NCOA1: variants seen among roughly 807,000 people sequenced by gnomAD.
NCOA1 encodes Hin-2 protein.
Under a neutral mutation model 150.9 loss-of-function variants are expected in NCOA1, and 35 were observed. The observed-to-expected ratio is 0.23, with a 90% CI of 0.18 to 0.31. The LOEUF (loss-of-function observed/expected upper bound fraction) is 0.31. Ranked by LOEUF, NCOA1 falls within the 10% of genes least tolerant of loss-of-function variation. The pLI is 1.00. For missense variants in NCOA1, 1,491 were observed against 1,749.3 expected (o/e 0.85, Z 2.63); for synonymous variants, 590 against 630.0 (o/e 0.94, Z 0.95).
At chr2:24,592,069 G>A (rs1326949126) in intron 3 of NCOA1, among the ~76,000 whole-genome samples, 2 of 152,080 alleles carry the variant, frequency 1.3e-5, no homozygotes, top group Admixed American at 6.6e-5. Flanking sequence ...TACAGTGCCT[G>A]AAACATGATA....
At chr2:24,556,620 T>C (rs1156677644) in intron 1 of NCOA1, among the ~76,000 whole-genome samples, 1 of 152,118 alleles carries the variant, frequency 6.6e-6, no homozygotes, top group Non-Finnish European at 1.5e-5. Context: ...AACAAACGTA[T>C]GGAAAAAAGC....
intron 3 of NCOA1, among the ~76,000 whole-genome samples, chr2:24,589,768 C>G (rs1451610754): frequency 3.3e-5 from 5 of 152,092 alleles, no homozygotes; most frequent in East Asian, 3.9e-4. Context: ...GCTGACTGTT[C>G]TAGCTCCCAG....
intron 1 of NCOA1, among the ~76,000 whole-genome samples, chr2:24,516,299 T>C (rs1186742296): frequency 6.8e-6 from 1 of 147,922 alleles, no homozygotes; most frequent in Non-Finnish European, 1.5e-5. Context: ...TTCACACCAT[T>C]CTCCTGCCTC....
intron 20 of NCOA1, among the ~76,000 whole-genome samples, chr2:24,754,713 G>A (rs1311357175): frequency 1.3e-5 from 2 of 152,212 alleles, no homozygotes; most frequent in Non-Finnish European, 2.9e-5. Flanking sequence ...CTATTTATTT[G>A]TGATTTTTCT....
chr2:24,658,025 G>A (rs1338243803), intron 4 of NCOA1, among the ~76,000 whole-genome samples: 1 of 152,190 alleles, frequency 6.6e-6, no homozygotes, highest in Non-Finnish European at 1.5e-5. Context: ...TGGTGTGCTA[G>A]GCGGAATGAC....
At chr2:24,704,186 G>A (rs969062545) in intron 11 of NCOA1, among the ~76,000 whole-genome samples, 3 of 152,084 alleles carry the variant, frequency 2.0e-5, no homozygotes, top group African/African-American at 7.2e-5. Flanking sequence ...ATTAAAAATA[G>A]TACACAGATT....
intron 3 of NCOA1, among the ~76,000 whole-genome samples, chr2:24,585,456 A>T (rs986505136): frequency 6.6e-6 from 1 of 152,052 alleles, no homozygotes; most frequent in Non-Finnish European, 1.5e-5. Context: ...AGAAATTTCC[A>T]AATGCTTCAT....
chr2:24,514,343 A>AAT (rs1664070676), intron 1 of NCOA1, among the ~76,000 whole-genome samples: 1 of 148,476 alleles, frequency 6.7e-6, no homozygotes, highest in Admixed American at 6.7e-5. Flanking sequence ...AAATAGCAAA[A>AAT]TTTTTTTATC....
At chr2:24,623,114 T>G (rs1299235916) in intron 3 of NCOA1, among the ~76,000 whole-genome samples, 1 of 152,196 alleles carries the variant, frequency 6.6e-6, no homozygotes, top group East Asian at 1.9e-4. Context: ...TTTCTTGGAA[T>G]ATGTCTGAAA....
In NCOA1 at chr2:24,729,528, A is replaced by G; in HGVS notation, c.2914A>G (p.Arg972Gly). 1.2e-6 allele frequency: 2 copies of G among 1,614,088 alleles called. No individual in the cohort carries two copies. ...GGGTGGATTAGATGTATTATCAGAG[A>G]GATTTCCACCACAACAAGCAACGCC... ...QGGGLDVLSE[R>G]FPPQQATPPL... The change falls in exon 17 of 23, where the codon AGA (arginine) becomes GGA (glycine). Residue 972 changes from arginine to glycine, a missense_variant. Physicochemically the swap from Arg to Gly is moderately radical, Grantham distance 125. Around this residue, in one of 8 missense-constraint regions of NCOA1, gnomAD observed 485 missense variants for 522.8 expected, o/e 0.93. Transcript: ENST00000348332.
At chr2:24,700,143 C>CTAATAATAATAA (rs60674114) in intron 11 of NCOA1, among the ~76,000 whole-genome samples, 13 of 143,098 alleles carry the variant, frequency 9.1e-5, no homozygotes, top group South Asian at 4.4e-4. Context: ...AACTTCATCG[C>CTAATAATAATAA]TAATAATAAT....
chr2:24,721,823 C>G (rs1443700332), intron 14 of NCOA1, among the ~76,000 whole-genome samples: 1 of 152,224 alleles, frequency 6.6e-6, no homozygotes, highest in Non-Finnish European at 1.5e-5. Context: ...AAATCTCTTT[C>G]TCCTGTTGCA....
At chr2:24,520,763 G>A (rs1382298283) in intron 1 of NCOA1, among the ~76,000 whole-genome samples, 1 of 152,322 alleles carries the variant, frequency 6.6e-6, no homozygotes, top group East Asian at 1.9e-4. Context: ...TGTTCATTAT[G>A]CCTCAAAGCT....
chr2:24,726,739 C>G, intron 15 of NCOA1, 33 bp downstream of exon 15: 5 of 1,338,770 alleles, frequency 3.7e-6, no homozygotes, highest in Non-Finnish European at 4.2e-6. Context: ...TATAAGGTAT[C>G]AGATACCAAC....
intron 1 of NCOA1, among the ~76,000 whole-genome samples, chr2:24,548,401 A>G (rs867812839): frequency 1.1e-4 from 17 of 152,364 alleles, no homozygotes; most frequent in African/African-American, 3.6e-4. Context: ...CAACGTGGGA[A>G]TTCAAGATGA....
intron 1 of NCOA1, among the ~76,000 whole-genome samples, chr2:24,516,327 G>A (rs1024463974): frequency 1.3e-5 from 2 of 151,174 alleles, no homozygotes; most frequent in South Asian, 2.1e-4. Context: ...CGAGTAGCTG[G>A]GACTACAGGC....
At chr2:24,581,251 G>A (rs1318516765) in intron 2 of NCOA1, among the ~76,000 whole-genome samples, 1 of 152,232 alleles carries the variant, frequency 6.6e-6, no homozygotes, top group Admixed American at 6.5e-5. Context: ...TTACTACTAG[G>A]TGAAGGTCCA....
intron 1 of NCOA1, among the ~76,000 whole-genome samples, chr2:24,535,351 C>T (rs943904322): frequency 1.3e-5 from 2 of 152,130 alleles, no homozygotes; most frequent in South Asian, 2.1e-4. Context: ...TGTCTCTGCA[C>T]GTGAGTGGGT....
Position 24,742,307 on chromosome 2 carries a change from G to T in NCOA1, c.3706+121G>T. 1 of 1,165,154 alleles carries T rather than the reference G, an allele frequency of 8.6e-7. No individual in the cohort carries two copies. Among genetic ancestry groups the T allele is most frequent in the Non-Finnish European group, 1.2e-6 (1 of 845,344 alleles). The allele number at this position is 1,165,154 out of a possible 1,614,324, so 72.2% of individuals were successfully genotyped here. On this transcript the variant is annotated intron_variant, in intron 19 of 22. Transcript: ENST00000348332. ...GTGGAAGAGGAAAGACACTGACGTGGGAGTCTGGAGACCCAGGATTCAGAC... is the reference window on the plus strand; with the variant it reads ...GTGGAAGAGGAAAGACACTGACGTGTGAGTCTGGAGACCCAGGATTCAGAC...
Sources: allele counts gnomAD v4.1 joint callset (sites outside exome capture counted in the v4.1 genomes callset), GRCh38; gene constraint gnomAD v4.1.1; regional missense constraint gnomAD v4.1.1; transcripts MANE v1.5; gene names NCBI Gene and HGNC (gene_info 2026-07-23, HGNC 2026-07-21).